Variants in RTN4 observed in about 807,000 individuals in gnomAD.
The protein encoded by RTN4 is reticulon 4, also known as reticulon-4.
In RTN4, 32 loss-of-function variants were observed where a neutral mutation model predicts 90.4. The observed-to-expected ratio is 0.35, with a 90% CI of 0.27 to 0.48. RTN4 has a LOEUF of 0.48. RTN4 is among the 20% of genes least tolerant of loss of function. The pLI, the probability that RTN4 is intolerant of heterozygous loss-of-function variation, is 0.99. For synonymous variants in RTN4, 629 were observed against 552.5 expected, an observed-to-expected ratio of 1.14 and a Z score of -1.94; for missense variants, 1,706 against 1,430.2, an observed-to-expected ratio of 1.19 and a Z score of -3.11.
chr2:55,028,519 C>T (rs1682075201), intron 1 of RTN4, among the ~76,000 whole-genome samples: 1 of 152,172 alleles, frequency 6.6e-6, no homozygotes, highest in Non-Finnish European at 1.5e-5. Context: ...TACTGTTCTA[C>T]TTAACATATC....
chr2:55,006,564 G>A (rs1021645467), intron 3 of RTN4, among the ~76,000 whole-genome samples: 1 of 152,116 alleles, frequency 6.6e-6, no homozygotes, highest in Non-Finnish European at 1.5e-5. Context: ...AAACTAGTTT[G>A]TCTTGAGATA....
intron 2 of RTN4, among the ~76,000 whole-genome samples, chr2:55,075,615 A>C (rs890173350): frequency 6.6e-6 from 1 of 152,190 alleles, no homozygotes; most frequent in Non-Finnish European, 1.5e-5. Context: ...GGAACCAAAA[A>C]AGAGCTCATA....
chr2:55,131,042 G>T, the RTN4 span, among the ~76,000 whole-genome samples: 1 of 152,052 alleles, frequency 6.6e-6, no homozygotes, highest in Non-Finnish European at 1.5e-5. Flanking sequence ...AATTCACTAC[G>T]TATTGTATGA....
intron 3 of RTN4, among the ~76,000 whole-genome samples, chr2:54,997,575 A>G (rs970973402): frequency 2.6e-5 from 4 of 152,232 alleles, no homozygotes; most frequent in African/African-American, 9.6e-5. Context: ...TATTCATGAT[A>G]GCCAAAAAGA....
chr2:55,031,715 T>C lies in RTN4; in HGVS notation c.557-3495A>G, dbSNP rs116774562. 6.1e-3 allele frequency among the ~76,000 whole-genome samples: 923 copies of C among 152,334 alleles called. 7 individuals carry two copies. Among genetic ancestry groups the C allele is most frequent in the African/African-American group, 0.019 (775 of 41,580 alleles). ...GCAAACCATGGCTCATGAGCCCATA[T>C]TGTATTGGAACACAGCCACGCCCAT... On this transcript the variant is annotated intron_variant, in intron 1 of 8. Coordinates refer to ENST00000337526, the MANE Select transcript of RTN4 (RefSeq NM_020532.5).
Position 55,017,223 on chromosome 2 carries a change from A to G in RTN4, c.3013+7863T>C, listed in dbSNP as rs187409530. 2.4e-3 allele frequency among the ~76,000 whole-genome samples: 362 copies of G among 152,334 alleles called. 2 individuals are homozygous for G. The highest frequency in any genetic ancestry group is 7.6e-3 in the African/African-American group (315 of 41,578). On this transcript the variant is annotated intron_variant, in intron 3 of 8. Coordinates refer to ENST00000337526, the MANE Select transcript of RTN4 (RefSeq NM_020532.5). ...AATAAAAATATATTTTAAACAAAAT[A>G]TCAACTCTTAGTATCTACAGTACTT...
At chr2:55,040,970 T>G (rs143978999) in intron 1 of RTN4, among the ~76,000 whole-genome samples, 199 of 147,372 alleles carry the variant, frequency 1.4e-3, no homozygotes, top group African/African-American at 4.9e-3. Flanking sequence ...TTTTGAAAAG[T>G]AGAGGGCCAC....
intron 2 of RTN4, among the ~76,000 whole-genome samples, chr2:55,074,010 C>G (rs1311045515): frequency 7.9e-5 from 12 of 152,210 alleles, no homozygotes; most frequent in Admixed American, 7.9e-4. Flanking sequence ...ATTTCCAAAA[C>G]AGCTCACTTG....
rs771713088 is a variant in RTN4 at position 55,027,226 on chromosome 2, C to T, written c.873G>A (p.Glu291=). 8.7e-6 allele frequency: 14 copies of T among 1,613,638 alleles called. No individual in the cohort carries two copies. Among genetic ancestry groups the T allele is most frequent in the African/African-American group, 2.7e-5 (2 of 74,898 alleles). Residue 291 remains glutamate (E), a synonymous_variant, in exon 3 of 9, where the codon GAG becomes GAA. Coordinates refer to ENST00000337526, the MANE Select transcript of RTN4 (RefSeq NM_020532.5). ...KTLLIDRDLT[E]FSELEYSEMG... ...TTTCTGAGTATTCTAATTCTGAAAA[C>T]TCTGTTAAATCTCTATCTATGAGTA... is the stretch of plus-strand genomic sequence containing the variant.
At chr2:55,122,723 C>T in the RTN4 span, among the ~76,000 whole-genome samples, 14 of 152,134 alleles carry the variant, frequency 9.2e-5, no homozygotes, top group Non-Finnish European at 1.6e-4. Context: ...GCTGAGGTGG[C>T]AATAGTGGCC....
chr2:55,127,749 T>G, the RTN4 span, among the ~76,000 whole-genome samples: 1 of 152,204 alleles, frequency 6.6e-6, no homozygotes, highest in Non-Finnish European at 1.5e-5. Context: ...ACTGTTCTAT[T>G]GTACCTCTGT....
At chr2:54,990,085 C>T (rs1180822623) in intron 3 of RTN4, among the ~76,000 whole-genome samples, 1 of 152,254 alleles carries the variant, frequency 6.6e-6, no homozygotes. Flanking sequence ...TTACGAGCTA[C>T]GTGACCTCAG....
At chr2:55,090,720 C>T (rs779298287) in intron 1 of RTN4, among the ~76,000 whole-genome samples, 3 of 152,144 alleles carry the variant, frequency 2.0e-5, no homozygotes, top group Non-Finnish European at 4.4e-5. Context: ...GGTCCAATTG[C>T]TCATACAATT....
At chr2:55,004,395 C>G (rs1267135601) in intron 3 of RTN4, among the ~76,000 whole-genome samples, 1 of 152,086 alleles carries the variant, frequency 6.6e-6, no homozygotes, top group Non-Finnish European at 1.5e-5. Context: ...TGGCATGGTC[C>G]TGTGTGGGCC....
intron 3 of RTN4, among the ~76,000 whole-genome samples, chr2:54,997,178 A>G (rs1289185376): frequency 6.6e-6 from 1 of 152,242 alleles, no homozygotes; most frequent in Non-Finnish European, 1.5e-5. Flanking sequence ...GTAAAAAACA[A>G]TTTAAAATAG....
intron 1 of RTN4, among the ~76,000 whole-genome samples, chr2:55,039,235 G>C (rs1230782589): frequency 1.3e-5 from 2 of 152,048 alleles, no homozygotes; most frequent in African/African-American, 4.8e-5. Context: ...TAAAACTGTT[G>C]AAACTTAAAA....
chr2:55,049,724 G>T, intron 1 of RTN4, 21 bp downstream of exon 1: 1 of 1,397,494 alleles, frequency 7.2e-7, no homozygotes, highest in East Asian at 2.9e-5. Context: ...GCGGCGCGAA[G>T]CGAGAGGTCG....
chr2:55,088,138 G>T (rs1668877500), intron 1 of RTN4, among the ~76,000 whole-genome samples: 1 of 152,222 alleles, frequency 6.6e-6, no homozygotes, highest in African/African-American at 2.4e-5. Flanking sequence ...GTACTTACGG[G>T]TTATGTTATC....
chr2:55,021,398 C>A (rs994996039), intron 3 of RTN4, among the ~76,000 whole-genome samples: 3 of 151,486 alleles, frequency 2.0e-5, no homozygotes, highest in Non-Finnish European at 4.4e-5. Context: ...CCTGCCCCCC[C>A]CGCCAAAAAA....
Sources: gnomAD v4.1 joint callset for allele counts (sites outside exome capture counted in the v4.1 genomes callset) on GRCh38, gnomAD v4.1.1 for gene constraint, MANE v1.5 for transcripts, NCBI Gene and HGNC (gene_info 2026-07-23, HGNC 2026-07-21) for gene names.